CA8: variants seen among roughly 807,000 people sequenced by gnomAD.
CA8 encodes carbonic anhydrase-related protein.
In CA8, 22 loss-of-function variants were observed where a neutral mutation model predicts 41.4. That is an observed-to-expected ratio of 0.53 (90% CI 0.38 to 0.76). CA8 has a LOEUF of 0.76. Among genes scored for constraint, CA8 ranks in the 30% least tolerant of loss-of-function variants. CA8 has a pLI of 0.00. For synonymous variants in CA8, 121 were observed against 130.6 expected (o/e 0.93, Z 0.50); for missense variants, 270 against 352.8 (o/e 0.77, Z 1.88).
intron 3 of CA8, among the ~76,000 whole-genome samples, chr8:60,247,570 G>A (rs1437293260): frequency 6.6e-6 from 1 of 152,148 alleles, no homozygotes; most frequent in African/African-American, 2.4e-5. Context: ...CCATGTCCCT[G>A]CAGAGGACAT....
intron 3 of CA8, among the ~76,000 whole-genome samples, chr8:60,247,619 T>C (rs1289416894): frequency 6.6e-6 from 1 of 152,218 alleles, no homozygotes; most frequent in East Asian, 1.9e-4. Context: ...TGTTCCATGG[T>C]ATATATGTAC....
intron 7 of CA8, among the ~76,000 whole-genome samples, chr8:60,222,262 T>G (rs1281883647): frequency 3.9e-5 from 6 of 152,192 alleles, no homozygotes; most frequent in African/African-American, 1.4e-4. Flanking sequence ...AGAATTTTCC[T>G]GTACACACCA....
intron 2 of CA8, among the ~76,000 whole-genome samples, chr8:60,274,167 A>G (rs201111527): frequency 8.1e-6 from 1 of 123,818 alleles, no homozygotes; most frequent in African/African-American, 3.1e-5. Flanking sequence ...TTTTTTTTTT[A>G]ATTTAAGAAG....
intron 8 of CA8, among the ~76,000 whole-genome samples, chr8:60,207,773 T>G (rs1290874948): frequency 6.6e-6 from 1 of 152,216 alleles, no homozygotes; most frequent in Non-Finnish European, 1.5e-5. Flanking sequence ...TCATTTTGTT[T>G]GAGACACGAT....
In CA8 at chr8:60,187,466, C is replaced by A. The variant is rs1805996128; in HGVS notation, c.*2555G>T. 1 of 152,030 alleles carries A rather than the reference C, an allele frequency of 6.6e-6. No individual in the cohort carries two copies. Among genetic ancestry groups the A allele is most frequent in the Admixed American group, 6.6e-5 (1 of 15,256 alleles). 9.4% of individuals were successfully genotyped at this position (152,030 alleles called of 1,614,324 possible). On this transcript the variant is annotated 3_prime_UTR_variant, in exon 9 of 9. Transcript: ENST00000317995. ...AAGCAGAAGTTAGTCTGCTTTCTTA[C>A]TAATCTTACTATTTTGTAAGATTTG...
intron 3 of CA8, among the ~76,000 whole-genome samples, chr8:60,238,187 A>G (rs1313874135): frequency 6.6e-6 from 1 of 152,224 alleles, no homozygotes; most frequent in Non-Finnish European, 1.5e-5. Context: ...CAGCCTTATC[A>G]TCATTTGTCA....
rs1806185630 is a variant in CA8, at chr8:60,193,190, T to C, written c.*36-3205A>G. 2.6e-5 allele frequency among the ~76,000 whole-genome samples: 4 copies of C among 152,320 alleles called. 1 individual carries two copies. The highest frequency in any genetic ancestry group is 9.6e-5 in the African/African-American group (4 of 41,580). ...CTTGGGTTTTTCCACCTAAGTGTTC[T>C]ACGTGCTCATAACTGATTCAATGCA... On this transcript the variant is annotated intron_variant, in intron 8 of 8. Coordinates refer to ENST00000317995, the MANE Select transcript of CA8 (RefSeq NM_004056.6).
rs774182019 is a variant in CA8, at chr8:60,226,865, T to C, written c.576+8A>G. On this transcript the variant is annotated splice_region_variant and intron_variant, in intron 5 of 8. Transcript: ENST00000317995. ...AGTATTTCTATATTATTTTAAATAA[T>C]GACTTACCTTATACTGAATATCTTG... is the stretch of plus-strand genomic sequence containing the variant. 3 of 1,533,804 alleles carry C rather than the reference T, an allele frequency of 2.0e-6. No homozygotes were observed. The highest frequency in any genetic ancestry group is 2.2e-5 in the East Asian group (1 of 44,498).
intron 4 of CA8, among the ~76,000 whole-genome samples, chr8:60,227,816 C>T (rs1358585040): frequency 6.6e-6 from 1 of 151,958 alleles, no homozygotes; most frequent in Admixed American, 6.6e-5. Flanking sequence ...AAACATATCA[C>T]TATATATTAT....
intron 7 of CA8, among the ~76,000 whole-genome samples, chr8:60,210,216 T>C (rs1474893371): frequency 2.0e-5 from 3 of 152,150 alleles, no homozygotes; most frequent in Non-Finnish European, 2.9e-5. Context: ...ATAATCTATC[T>C]CCTTCACATA....
At position 60,192,788 on chromosome 8, in the gene CA8, TCTC is replaced by T. The variant is rs1469142882; in HGVS notation, c.*36-2806_*36-2804del. Among the ~76,000 whole-genome samples, 50 of 152,298 alleles carry T rather than the reference TCTC, an allele frequency of 3.3e-4. 1 individual carries two copies. Among genetic ancestry groups the T allele is most frequent in the African/African-American group, 1.2e-3 (48 of 41,566 alleles). Reference sequence around the variant, plus strand: ...TTGTCCTATGTGTCACCAATTTCCTTCTCCTTAACTCTTTTAGCTGATTATTTT... The same window carrying T: ...TTGTCCTATGTGTCACCAATTTCCTTCTTAACTCTTTTAGCTGATTATTTT... On this transcript the variant is annotated intron_variant, in intron 8 of 8. Coordinates refer to ENST00000317995, the MANE Select transcript of CA8 (RefSeq NM_004056.6).
At chr8:60,240,427 T>C (rs1807981825) in intron 3 of CA8, among the ~76,000 whole-genome samples, 5 of 152,236 alleles carry the variant, frequency 3.3e-5, no homozygotes, top group Admixed American at 3.3e-4. Context: ...AAATCACTGG[T>C]TGAGAGTGAG....
At chr8:60,239,909 G>T (rs1409074888) in intron 3 of CA8, among the ~76,000 whole-genome samples, 2 of 152,156 alleles carry the variant, frequency 1.3e-5, no homozygotes, top group Non-Finnish European at 2.9e-5. Flanking sequence ...CACTATGATT[G>T]TGAGGCCTCC....
At chr8:60,213,656 C>T (rs1563528576) in intron 7 of CA8, among the ~76,000 whole-genome samples, 1 of 152,140 alleles carries the variant, frequency 6.6e-6, no homozygotes, top group East Asian at 1.9e-4. Context: ...GGAGAGAAAT[C>T]TCATCAATAA....
intron 3 of CA8, among the ~76,000 whole-genome samples, chr8:60,241,530 G>A (rs1033162487): frequency 9.2e-5 from 14 of 152,120 alleles, no homozygotes; most frequent in Admixed American, 6.5e-5. Context: ...TTAGGAACAG[G>A]GCTTTATAAC....
chr8:60,223,774 G>A (rs984535482), intron 6 of CA8, among the ~76,000 whole-genome samples: 2 of 152,174 alleles, frequency 1.3e-5, no homozygotes, highest in East Asian at 1.9e-4. Flanking sequence ...GTTTGTTGTA[G>A]AGCAATTAAA....
At chr8:60,256,928 T>A (rs984563065) in intron 3 of CA8, among the ~76,000 whole-genome samples, 2 of 152,172 alleles carry the variant, frequency 1.3e-5, no homozygotes, top group African/African-American at 4.8e-5. Context: ...CCATTCATAC[T>A]CTCTGCATTT....
At chr8:60,192,388 G>C (rs1056391711) in intron 8 of CA8, among the ~76,000 whole-genome samples, 3 of 152,100 alleles carry the variant, frequency 2.0e-5, no homozygotes, top group Admixed American at 6.6e-5. Context: ...GATATCATGT[G>C]CTGAGCATAG....
chr8:60,209,802 G>T (rs558235904), intron 7 of CA8, among the ~76,000 whole-genome samples: 2 of 152,160 alleles, frequency 1.3e-5, no homozygotes, highest in African/African-American at 4.8e-5. Flanking sequence ...CCTTTATTAG[G>T]TGGGCTCTCC....
Sources: allele counts gnomAD v4.1 joint callset (sites outside exome capture counted in the v4.1 genomes callset), GRCh38; gene constraint gnomAD v4.1.1; transcripts MANE v1.5; gene names NCBI Gene and HGNC (gene_info 2026-07-23, HGNC 2026-07-21).